Variants in SEPTIN9 observed in about 807,000 individuals in gnomAD.
SEPTIN9 encodes the protein septin-9.
A neutral mutation model predicts 56.6 loss-of-function variants in SEPTIN9; 13 were observed. The observed-to-expected ratio is 0.23, with a 90% CI of 0.15 to 0.37. The LOEUF is 0.37. SEPTIN9 is among the 10% of genes least tolerant of loss of function. The pLI is 1.00. For synonymous variants in SEPTIN9, 332 were observed against 334.1 expected, an observed-to-expected ratio of 0.99 and a Z score of 0.07; for missense variants, 650 against 823.1, an observed-to-expected ratio of 0.79 and a Z score of 2.57.
At position 77,433,672 on chromosome 17, in the gene SEPTIN9, C is replaced by T. The variant is rs1437029049; in HGVS notation, c.721+30969C>T. Among the ~76,000 whole-genome samples, 1 of 152,168 alleles carries T rather than the reference C, an allele frequency of 6.6e-6. No homozygotes were observed. The highest frequency in any genetic ancestry group is 2.4e-5 in the African/African-American group (1 of 41,430). On this transcript the variant is annotated intron_variant, in intron 3 of 11. Transcript: ENST00000427177. The surrounding 1 kb of genome is among the most constrained non-coding windows in gnomAD (Gnocchi z 6.4). ...GTGGCTGGATCTAGCTGCCCGTGGA[C>T]AGGCTGTGAGTGAATCTGCAGAGGA...
At position 77,435,270 on chromosome 17, in the gene SEPTIN9, C is replaced by G. The variant is rs1156329781; in HGVS notation, c.721+32567C>G. Among the ~76,000 whole-genome samples, 1 of 152,146 alleles carries G rather than the reference C, an allele frequency of 6.6e-6. No individual in the cohort carries two copies. Among genetic ancestry groups the G allele is most frequent in the Non-Finnish European group, 1.5e-5 (1 of 68,016 alleles). ...CTGTCATTTACCTCTTCGGCCAGCC[C>G]TCTGATTGCAAAACCTGAGGCCCAG... On this transcript the variant is annotated intron_variant, in intron 3 of 11. Transcript: ENST00000427177. The surrounding 1 kb of genome is among the most constrained non-coding windows in gnomAD (Gnocchi z 4.5).
chr17:77,413,090 G>A (rs1346793972), intron 3 of SEPTIN9, among the ~76,000 whole-genome samples: 1 of 54,784 alleles, frequency 1.8e-5, no homozygotes, highest in Non-Finnish European at 4.2e-5. Flanking sequence ...GGTGGGGCGT[G>A]TGTGTGTGTG....
At chr17:77,448,578 T>G (rs958649999) in intron 3 of SEPTIN9, among the ~76,000 whole-genome samples, 4 of 151,780 alleles carry the variant, frequency 2.6e-5, no homozygotes, top group East Asian at 1.9e-4. Flanking sequence ...TGAAATGTGG[T>G]GATTCCAAGT....
At chr17:77,298,881 G>A (rs1387467698) in intron 1 of SEPTIN9, among the ~76,000 whole-genome samples, 3 of 152,184 alleles carry the variant, frequency 2.0e-5, no homozygotes, top group African/African-American at 7.2e-5. Flanking sequence ...CGGTGCAATT[G>A]CAACTCACTG....
chr17:77,438,438 G>A (rs910501094), intron 3 of SEPTIN9, among the ~76,000 whole-genome samples: 2 of 152,176 alleles, frequency 1.3e-5, no homozygotes, highest in Non-Finnish European at 2.9e-5. Context: ...CCAGCACCTG[G>A]GACTACGTTA....
chr17:77,306,322 A>C (rs528570285), intron 1 of SEPTIN9, among the ~76,000 whole-genome samples: 1 of 152,170 alleles, frequency 6.6e-6, no homozygotes, highest in Non-Finnish European at 1.5e-5. Flanking sequence ...GCTGTATGGC[A>C]TTGCCCAGGG....
intron 2 of SEPTIN9, among the ~76,000 whole-genome samples, chr17:77,391,150 A>G (rs1004510085): frequency 1.3e-5 from 2 of 152,196 alleles, no homozygotes; most frequent in African/African-American, 4.8e-5. Flanking sequence ...CAGGACACCC[A>G]TATCTCCTTT....
At position 77,369,327 on chromosome 17, in the gene SEPTIN9, C is replaced by T. The variant is rs1453730841; in HGVS notation, c.77-32732C>T. Among the ~76,000 whole-genome samples, 1 of 152,192 alleles carries T rather than the reference C, an allele frequency of 6.6e-6. No homozygotes were observed. The highest frequency in any genetic ancestry group is 1.5e-5 in the Non-Finnish European group (1 of 68,038). On this transcript the variant is annotated intron_variant, in intron 2 of 11. Transcript: ENST00000427177. This position sits in a 1 kb window ranked among gnomAD's most constrained non-coding sequence, Gnocchi z 4.9. ...CAAATCGGGAAACTGAGTGTTGTTG[C>T]TTTTGCTGGCCCCAGGTGGCCGGTT...
chr17:77,394,925 C>G (rs1168116138), intron 2 of SEPTIN9, among the ~76,000 whole-genome samples: 1 of 152,186 alleles, frequency 6.6e-6, no homozygotes, highest in Admixed American at 6.5e-5. Context: ...TGTGTAGCAG[C>G]TGAGACCGTA....
At position 77,482,179 on chromosome 17, in the gene SEPTIN9, G is replaced by C. The variant is rs1229224597; in HGVS notation, c.757G>C (p.Ala253Pro). 4 of 1,602,762 alleles carry C rather than the reference G, an allele frequency of 2.5e-6. No homozygotes were observed. In the African/African-American group the frequency reaches 5.4e-5, roughly 21 times the overall value. Residue 253 changes from alanine (A) to proline (P), a missense_variant, in exon 4 of 12, where the codon GCC becomes CCC. Physicochemically the swap from Ala to Pro is conservative, Grantham distance 27. Around this residue, in one of 2 missense-constraint regions of SEPTIN9, gnomAD observed 333 missense variants for 494.0 expected, o/e 0.67. Transcript: ENST00000427177. Reference protein sequence around the residue: ...EAAPSCVGDMADTPRDAGLKQ... With the variant: ...EAAPSCVGDMPDTPRDAGLKQ... ...GGCTCCCAGCTGCGTTGGCGACATG[G>C]CCGACACCCCCAGAGATGCCGGGCT...
In SEPTIN9 at chr17:77,500,400, G is replaced by A. The variant is rs868138161; in HGVS notation, c.*1742G>A. The A allele has an allele frequency of 1.2e-4, 26 of 216,794 alleles. No homozygotes were observed. The Middle Eastern group carries it at 4.4e-3, about 36-fold the overall frequency. The allele number at this position is 216,794 out of a possible 1,614,324, so 13.4% of individuals were successfully genotyped here. ...TGGTGGCGGGGTGGGGTGGGGGTGG[G>A]CAGCAGCATCCCAGCCTTGAGATGC... is the stretch of plus-strand genomic sequence containing the variant. On this transcript the variant is annotated 3_prime_UTR_variant, in exon 12 of 12. Coordinates refer to ENST00000427177, the MANE Select transcript of SEPTIN9 (RefSeq NM_001113491.2).
At chr17:77,375,185 C>T (rs312824) in intron 2 of SEPTIN9, 106,151 of 152,458 alleles carry the variant, frequency 0.7, 37,126 homozygotes, top group African/African-American at 0.76. Context: ...TTTGCAACTC[C>T]TCCCTGCGAC....
chr17:77,410,236 C>A (rs950433299), intron 3 of SEPTIN9, among the ~76,000 whole-genome samples: 6 of 152,266 alleles, frequency 3.9e-5, no homozygotes, highest in Admixed American at 3.9e-4. Context: ...CCTGTCCCCC[C>A]ATCCCACTGC....
At chr17:77,474,439 G>A (rs947988611) in intron 3 of SEPTIN9, among the ~76,000 whole-genome samples, 1 of 152,256 alleles carries the variant, frequency 6.6e-6, no homozygotes, top group Non-Finnish European at 1.5e-5. Flanking sequence ...TAGGCCTGGG[G>A]TGGCTCTAAG....
intron 10 of SEPTIN9, among the ~76,000 whole-genome samples, chr17:77,494,182 G>A (rs940588682): frequency 2.0e-5 from 3 of 152,198 alleles, no homozygotes; most frequent in Non-Finnish European, 4.4e-5. Context: ...AAAGAAAGAC[G>A]TTTTCCAAGT....
intron 3 of SEPTIN9, among the ~76,000 whole-genome samples, chr17:77,407,864 T>C (rs1221390027): frequency 6.6e-6 from 1 of 152,236 alleles, no homozygotes; most frequent in African/African-American, 2.4e-5. Flanking sequence ...CCTGGATCCC[T>C]GCTCTTTTCC....
intron 1 of SEPTIN9, among the ~76,000 whole-genome samples, chr17:77,291,031 A>AT (rs869237556): frequency 0.073 from 7,889 of 108,678 alleles, 403 homozygotes; most frequent in Non-Finnish European, 0.087. Flanking sequence ...TGCCTGGCTA[A>AT]TTTTTTTTTT....
rs113553661 is a variant in SEPTIN9 at position 77,436,380 on chromosome 17, G to C, written c.721+33677G>C. 1.7e-3 allele frequency among the ~76,000 whole-genome samples: 258 copies of C among 152,296 alleles called. No homozygotes were observed. The highest frequency in any genetic ancestry group is 2.9e-3 in the Non-Finnish European group (196 of 68,020). ...GAGCGGATCCAGAAGGTGGAGAGAG[G>C]GTTTCCAATAAGCAGAGGATGGAGT... On this transcript the variant is annotated intron_variant, in intron 3 of 11. Coordinates refer to ENST00000427177, the MANE Select transcript of SEPTIN9 (RefSeq NM_001113491.2). The surrounding 1 kb of genome is among the most constrained non-coding windows in gnomAD (Gnocchi z 4.4).
chr17:77,298,244 G>A (rs2031900731), intron 1 of SEPTIN9, among the ~76,000 whole-genome samples: 1 of 152,246 alleles, frequency 6.6e-6, no homozygotes, highest in Admixed American at 6.5e-5. Context: ...GAGTCACCAG[G>A]CTTTGCATTT....
Sources: allele counts gnomAD v4.1 joint callset (sites outside exome capture counted in the v4.1 genomes callset), GRCh38; gene constraint gnomAD v4.1.1; regional missense constraint gnomAD v4.1.1; non-coding constraint Gnocchi (gnomAD v3.1); transcripts MANE v1.5; gene names NCBI Gene and HGNC (gene_info 2026-07-23, HGNC 2026-07-21).